Variants in KCNMA1 observed in about 807,000 individuals in gnomAD.
The protein encoded by KCNMA1 is potassium calcium-activated channel subfamily M alpha 1, also known as Calcium-activated potassium channel subunit alpha-1.
Under a neutral mutation model 140.0 loss-of-function variants are expected in KCNMA1, and 29 were observed. The ratio of observed to expected loss-of-function variants is 0.21; its 90% CI spans 0.15 to 0.28. The LOEUF (loss-of-function observed/expected upper bound fraction) is 0.28, where lower values mean the gene tolerates loss of function less well. KCNMA1 is among the 10% of genes least tolerant of loss of function. The pLI, the probability that KCNMA1 is intolerant of heterozygous loss-of-function variation, is 1.00. For synonymous variants in KCNMA1, 612 were observed against 611.9 expected (o/e 1.00, Z 0.00); for missense variants, 880 against 1,602.2 (o/e 0.55, Z 7.70).
chr10:77,631,589 C>T (rs992361898), intron 1 of KCNMA1, among the ~76,000 whole-genome samples: 1 of 152,126 alleles, frequency 6.6e-6, no homozygotes, highest in African/African-American at 2.4e-5. Context: ...GCATTGCAAT[C>T]GAATGCCAAT....
chr10:77,033,906 T>C (rs989954418), intron 15 of KCNMA1, among the ~76,000 whole-genome samples: 3 of 152,080 alleles, frequency 2.0e-5, no homozygotes, highest in Non-Finnish European at 1.5e-5. Context: ...CCCAATCAAG[T>C]GGATGAATAG....
chr10:77,191,516 C>T (rs1265619249), intron 3 of KCNMA1, among the ~76,000 whole-genome samples: 1 of 152,054 alleles, frequency 6.6e-6, no homozygotes, highest in African/African-American at 2.4e-5. Context: ...TTTCTAATAT[C>T]GATTCTTCTC....
intron 5 of KCNMA1, among the ~76,000 whole-genome samples, chr10:77,142,122 C>T (rs2098186623): frequency 6.6e-6 from 1 of 152,134 alleles, no homozygotes; most frequent in Non-Finnish European, 1.5e-5. Flanking sequence ...AATCCCAGCA[C>T]TTTGGGAGGC....
At chr10:77,565,515 T>C (rs757097824) in intron 1 of KCNMA1, among the ~76,000 whole-genome samples, 10 of 152,220 alleles carry the variant, frequency 6.6e-5, no homozygotes, top group Non-Finnish European at 1.3e-4. Context: ...GAGAAACAGA[T>C]CCTGGTGCTG....
chr10:77,051,226 T>C (rs998268918), intron 14 of KCNMA1, among the ~76,000 whole-genome samples: 1 of 152,226 alleles, frequency 6.6e-6, no homozygotes, highest in East Asian at 1.9e-4. Context: ...TGGGTACTTA[T>C]GTCTCCTATC....
chr10:77,241,041 C>T (rs2057135949), intron 3 of KCNMA1, among the ~76,000 whole-genome samples: 1 of 152,134 alleles, frequency 6.6e-6, no homozygotes, highest in South Asian at 2.1e-4. Context: ...GCTGAAGTTC[C>T]TATTTCCCAA....
intron 2 of KCNMA1, among the ~76,000 whole-genome samples, chr10:77,397,034 C>A (rs1434601958): frequency 6.6e-6 from 1 of 152,082 alleles, no homozygotes; most frequent in African/African-American, 2.4e-5. Flanking sequence ...CTGTCCTTCA[C>A]CACAGGACAT....
At position 77,108,493 on chromosome 10, in the gene KCNMA1, A is replaced by C; in HGVS notation, c.1211T>G (p.Val404Gly). 1 of 1,613,338 alleles carries C rather than the reference A, an allele frequency of 6.2e-7. No homozygotes were observed. Among genetic ancestry groups the C allele is most frequent in the Non-Finnish European group, 8.5e-7 (1 of 1,179,628 alleles). ...RKKYGGSYSA[V>G]SGRKHIVVCG... ...TTGGCATACTTACTTTCTTCCACTAACCGCACTATAGGAGCCCCCGTATTT... is the reference window on the plus strand; with the variant it reads ...TTGGCATACTTACTTTCTTCCACTACCCGCACTATAGGAGCCCCCGTATTT... Residue 404 changes from valine (V) to glycine (G), a missense_variant, in exon 9 of 28, where the codon GTT (valine) becomes GGT (glycine). By Grantham distance (109) the Val-to-Gly change is moderately radical. Coordinates refer to ENST00000286628, the MANE Select transcript of KCNMA1 (RefSeq NM_001161352.2). The surrounding 1 kb of genome is among the most constrained non-coding windows in gnomAD (Gnocchi z 4.6).
intron 1 of KCNMA1, among the ~76,000 whole-genome samples, chr10:77,595,451 G>A (rs1477380046): frequency 1.4e-5 from 2 of 146,330 alleles, no homozygotes; most frequent in East Asian, 2.1e-4. Context: ...TATAAAAGAT[G>A]TACCCCGGCA....
chr10:77,020,368 T>C (rs1194235668), intron 16 of KCNMA1: 1 of 152,196 alleles, frequency 6.6e-6, no homozygotes, highest in Non-Finnish European at 1.5e-5. Context: ...CAGATCATTA[T>C]TGCAAAATAA....
intron 1 of KCNMA1, among the ~76,000 whole-genome samples, chr10:77,611,111 G>T (rs1056379308): frequency 6.6e-6 from 1 of 152,186 alleles, no homozygotes; most frequent in African/African-American, 2.4e-5. Flanking sequence ...CATGTGTAGG[G>T]GACTTTGGCT....
intron 20 of KCNMA1, among the ~76,000 whole-genome samples, chr10:76,954,606 C>A (rs1331225262): frequency 1.3e-5 from 2 of 152,230 alleles, no homozygotes; most frequent in Non-Finnish European, 2.9e-5. Flanking sequence ...GATTTCAATA[C>A]TAAACAACAC....
In KCNMA1 at chr10:77,134,444, T is replaced by G. The variant is rs2097934395; in HGVS notation, c.809-13396A>C. The stretch of plus-strand genomic sequence containing the variant: ...GTGAATAATCATTAAATAAATTAAT[T>G]AAATGAAACTATTTTATCTTAACTT... On this transcript the variant is annotated intron_variant, in intron 5 of 27. Transcript: ENST00000286628. 2.6e-5 allele frequency among the ~76,000 whole-genome samples: 4 copies of G among 152,210 alleles called. No individual in the cohort carries two copies. In the South Asian group the frequency reaches 8.3e-4, roughly 32 times the overall value.
At chr10:76,994,343 TAA>T (rs2083591484) in intron 19 of KCNMA1, among the ~76,000 whole-genome samples, 1 of 152,208 alleles carries the variant, frequency 6.6e-6, no homozygotes, top group Non-Finnish European at 1.5e-5. Context: ...AAATGCTATA[TAA>T]GTGTTAAATT....
At chr10:77,086,175 T>C (rs2096685944) in intron 11 of KCNMA1, among the ~76,000 whole-genome samples, 1 of 152,242 alleles carries the variant, frequency 6.6e-6, no homozygotes, top group Admixed American at 6.5e-5. Context: ...TGTATAAAGC[T>C]ACTGGGTCCA....
At chr10:77,495,246 T>C (rs2041452180) in intron 1 of KCNMA1, among the ~76,000 whole-genome samples, 2 of 152,192 alleles carry the variant, frequency 1.3e-5, no homozygotes, top group African/African-American at 4.8e-5. Context: ...GTGAAGGAGC[T>C]TCCCGGTTCC....
At chr10:76,939,257 A>T (rs2061394416) in intron 23 of KCNMA1, 1 of 151,732 alleles carries the variant, frequency 6.6e-6, no homozygotes, top group Non-Finnish European at 1.5e-5. Context: ...AGTAGCTGGG[A>T]CTACAGGGGC....
At chr10:76,879,554 A>G (rs1201556984) in intron 29 of KCNMA1, among the ~76,000 whole-genome samples, 1 of 151,000 alleles carries the variant, frequency 6.6e-6, no homozygotes, top group Non-Finnish European at 1.5e-5. Context: ...TTCTACATTC[A>G]TTTATCTTTT....
At chr10:77,163,461 C>T (rs531134656) in intron 5 of KCNMA1, among the ~76,000 whole-genome samples, 143 of 152,242 alleles carry the variant, frequency 9.4e-4, no homozygotes, top group African/African-American at 3.4e-3. Context: ...ACTTGGGAAC[C>T]CTTATCATTT....
Sources: gnomAD v4.1 joint callset for allele counts (sites outside exome capture counted in the v4.1 genomes callset) on GRCh38, gnomAD v4.1.1 for gene constraint, Gnocchi (gnomAD v3.1) non-coding constraint, MANE v1.5 for transcripts, NCBI Gene and HGNC (gene_info 2026-07-23, HGNC 2026-07-21) for gene names.